The following ACTR3B variants were observed in gnomAD, a reference collection of about 807,000 sequenced individuals.
The protein encoded by ACTR3B is actin related protein 3B.
In ACTR3B, 8 loss-of-function variants were observed where a neutral mutation model predicts 59.0. That is an observed-to-expected ratio of 0.14 (90% confidence interval 0.08 to 0.24). ACTR3B has a LOEUF of 0.24. Ranked by LOEUF, ACTR3B falls within the 10% of genes least tolerant of loss-of-function variation. ACTR3B has a pLI of 1.00. For synonymous variants in ACTR3B, 148 were observed against 197.9 expected (o/e 0.75, Z 2.12); for missense variants, 245 against 552.3 (o/e 0.44, Z 5.58).
chr7:152,787,811 C>T (rs71534920), intron 2 of ACTR3B, among the ~76,000 whole-genome samples: 63,734 of 151,320 alleles, frequency 0.42, 16,304 homozygotes, highest in East Asian at 0.7. Context: ...CTAGTGGGTT[C>T]GATTCCTACT....
chr7:152,819,235 G>A (rs1450517111), intron 6 of ACTR3B, among the ~76,000 whole-genome samples: 2 of 152,144 alleles, frequency 1.3e-5, no homozygotes, highest in East Asian at 1.9e-4. Flanking sequence ...AGAAACCATA[G>A]GAGGAATTCA....
At chr7:152,774,881 G>A (rs1372854228) in intron 1 of ACTR3B, among the ~76,000 whole-genome samples, 3 of 152,054 alleles carry the variant, frequency 2.0e-5, no homozygotes, top group African/African-American at 4.8e-5. Context: ...TAAAACTATT[G>A]TTAGGGTCTG....
At chr7:152,777,548 TTGTTGATTTC>T (rs1474387962) in intron 1 of ACTR3B, among the ~76,000 whole-genome samples, 4 of 152,262 alleles carry the variant, frequency 2.6e-5, no homozygotes, top group African/African-American at 9.6e-5. Flanking sequence ...GACAGGGTAG[TTGTTGATTTC>T]TGTCTATTCA....
At chr7:152,802,879 A>G (rs1314902223) in intron 4 of ACTR3B, among the ~76,000 whole-genome samples, 4 of 152,144 alleles carry the variant, frequency 2.6e-5, no homozygotes, top group Non-Finnish European at 5.9e-5. Flanking sequence ...ATATGGAATA[A>G]CTCTATAACG....
chr7:152,790,023 G>A (rs2689462), intron 2 of ACTR3B, among the ~76,000 whole-genome samples: 2,043 of 107,290 alleles, frequency 0.019, no homozygotes, highest in Admixed American at 0.028. Context: ...TTTTTTTGAG[G>A]CACTGTACTT....
chr7:152,808,738 A>G (rs973390924), intron 4 of ACTR3B, among the ~76,000 whole-genome samples: 15 of 152,204 alleles, frequency 9.9e-5, no homozygotes, highest in Non-Finnish European at 1.8e-4. Context: ...GATGAGAAAC[A>G]TAGGTTTCTT....
chr7:152,850,706 C>T (rs1244797905), intron 9 of ACTR3B, among the ~76,000 whole-genome samples: 1 of 152,254 alleles, frequency 6.6e-6, no homozygotes, highest in African/African-American at 2.4e-5. Flanking sequence ...TAAGCAGGAA[C>T]AGACTACTCT....
At chr7:152,777,458 G>A (rs2116574842) in intron 1 of ACTR3B, among the ~76,000 whole-genome samples, 1 of 152,278 alleles carries the variant, frequency 6.6e-6, no homozygotes. Context: ...TAGTTATGTG[G>A]TGTATTCTTA....
rs181524067 is a variant in ACTR3B at position 152,769,823 on chromosome 7, C to T, written c.44+9897C>T. On this transcript the variant is annotated intron_variant, in intron 1 of 11. Coordinates refer to ENST00000256001, the MANE Select transcript of ACTR3B (RefSeq NM_020445.6). Reference sequence around the variant, plus strand: ...TATGAGTAATTATGAAATTAGCTTGCATCTCTTCTTCCTCTCTCCCTTTCT... The same window carrying T: ...TATGAGTAATTATGAAATTAGCTTGTATCTCTTCTTCCTCTCTCCCTTTCT... Among the ~76,000 whole-genome samples the T allele has an allele frequency of 7.1e-3, 1,077 of 150,762 alleles. 7 individuals carry two copies. Among genetic ancestry groups the T allele is most frequent in the Non-Finnish European group, 0.01 (709 of 67,880 alleles).
At chr7:152,840,446 G>T (rs1167363233) in intron 9 of ACTR3B, among the ~76,000 whole-genome samples, 3 of 152,208 alleles carry the variant, frequency 2.0e-5, no homozygotes, top group Non-Finnish European at 4.4e-5. Flanking sequence ...ACAGATGAGG[G>T]CGTGGGAGCC....
intron 9 of ACTR3B, among the ~76,000 whole-genome samples, chr7:152,851,334 ATGGTGAGAGGGCGAGAG>A (rs1475949708): frequency 2.0e-5 from 3 of 152,184 alleles, no homozygotes; most frequent in Non-Finnish European, 4.4e-5. Context: ...GCAGTGCCCC[ATGGTGAGAGGGCGAGAG>A]GTGAGTGACG....
At chr7:152,765,127 T>TTTTC (rs57882039) in intron 1 of ACTR3B, among the ~76,000 whole-genome samples, 40,992 of 121,206 alleles carry the variant, frequency 0.34, 6,104 homozygotes, top group Non-Finnish European at 0.42. Context: ...TTTTTTTTTT[T>TTTTC]TTTTCCGGAG....
At chr7:152,808,959 A>G (rs189667060) in intron 4 of ACTR3B, among the ~76,000 whole-genome samples, 24 of 152,316 alleles carry the variant, frequency 1.6e-4, no homozygotes, top group East Asian at 1.2e-3. Context: ...TGTACACACT[A>G]CTATTGGAAT....
chr7:152,803,155 C>T (rs191396266), intron 4 of ACTR3B, among the ~76,000 whole-genome samples: 87 of 152,328 alleles, frequency 5.7e-4, no homozygotes, highest in Non-Finnish European at 1.0e-3. Context: ...AGTTGATCCT[C>T]CCACCTCAAC....
In ACTR3B at chr7:152,855,377, T is replaced by C. The variant is rs887227694; in HGVS notation, c.*824T>C. 2.6e-5 allele frequency: 4 copies of C among 152,236 alleles called. No individual in the cohort carries two copies. Among genetic ancestry groups the C allele is most frequent in the East Asian group, 1.9e-4 (1 of 5,200 alleles). The allele number at this position is 152,236 out of a possible 1,614,324, so 9.4% of individuals were successfully genotyped here. A position where few individuals can be genotyped will look rare whatever the true frequency, so the allele number is the denominator to read the frequency against. On this transcript the variant is annotated 3_prime_UTR_variant, in exon 12 of 12. Transcript: ENST00000256001. ...AAAGCTGTTAGAATATTTGTAAATA[T>C]CTTTCTGCTGTAGTGTGGTGGTCTG... is the stretch of plus-strand genomic sequence containing the variant.
intron 9 of ACTR3B, among the ~76,000 whole-genome samples, chr7:152,845,887 TTTTG>T (rs1798232087): frequency 6.6e-6 from 1 of 152,272 alleles, no homozygotes; most frequent in African/African-American, 2.4e-5. Flanking sequence ...ATGAAATGAT[TTTTG>T]TTTTATTTAT....
intron 9 of ACTR3B, among the ~76,000 whole-genome samples, chr7:152,848,317 G>GT (rs1289514902): frequency 6.6e-6 from 1 of 152,186 alleles, no homozygotes; most frequent in African/African-American, 2.4e-5. Context: ...TTGGGGCACT[G>GT]TTTGGGATCC....
chr7:152,808,830 C>A (rs1321768300), intron 4 of ACTR3B, among the ~76,000 whole-genome samples: 1 of 152,064 alleles, frequency 6.6e-6, no homozygotes, highest in Admixed American at 6.5e-5. Flanking sequence ...TGTGCCCAGC[C>A]CCATTCTAAG....
chr7:152,853,540 A>G lies in ACTR3B; in HGVS notation c.1124A>G (p.Tyr375Cys). The G allele has an allele frequency of 6.2e-7, 1 of 1,613,902 alleles. No individual in the cohort carries two copies. The highest frequency in any genetic ancestry group is 8.5e-7 in the Non-Finnish European group (1 of 1,179,940). The change falls in exon 11 of 12, where the codon TAC (tyrosine) becomes TGC (cysteine). Residue 375 changes from tyrosine to cysteine, a missense_variant. This residue lies in a region of ACTR3B where 153 missense variants were observed against 266.2 expected (regional missense o/e 0.57). Coordinates refer to ENST00000256001, the MANE Select transcript of ACTR3B (RefSeq NM_020445.6). ...GTGGTCACGCATCACATGCAGCGCT[A>G]CGCCGTGTGGTTCGGAGGCTCCATG... The part of the protein sequence containing the change: ...VQVVTHHMQR[Y>C]AVWFGGSMLA...
Sources: gnomAD v4.1 joint callset for allele counts (sites outside exome capture counted in the v4.1 genomes callset) on GRCh38, gnomAD v4.1.1 for gene constraint, gnomAD v4.1.1 regional missense constraint, MANE v1.5 for transcripts, NCBI Gene and HGNC (gene_info 2026-07-23, HGNC 2026-07-21) for gene names.